The following SPSB1 variants were observed in gnomAD, a reference collection of about 807,000 sequenced individuals.
SPSB1 encodes the protein splA/ryanodine receptor domain and SOCS box containing 1.
A neutral mutation model predicts 21.2 loss-of-function variants in SPSB1; 8 were observed. That is an observed-to-expected ratio of 0.38 (90% CI 0.22 to 0.68). SPSB1 has a LOEUF of 0.68. Ranked by LOEUF, SPSB1 falls within the 30% of genes least tolerant of loss-of-function variation. SPSB1 has a pLI of 0.53. For synonymous variants in SPSB1, 169 were observed against 161.7 expected (o/e 1.05, Z -0.34); for missense variants, 242 against 377.8 (o/e 0.64, Z 2.98).
At chr1:9,329,128 A>G (rs1280087416) in intron 1 of SPSB1, among the ~76,000 whole-genome samples, 1 of 152,150 alleles carries the variant, frequency 6.6e-6, no homozygotes, top group Non-Finnish European at 1.5e-5. Flanking sequence ...CAGCCTCCCA[A>G]GGGGGAGAAT....
Position 9,356,371 on chromosome 1 carries a change from A to G in SPSB1, c.480A>G (p.Thr160=). The change falls in exon 2 of 3, where the codon ACA becomes ACG. Residue 160 remains threonine, a synonymous_variant. Transcript: ENST00000328089. This position sits in a 1 kb window ranked among gnomAD's most constrained non-coding sequence, Gnocchi z 7.4. The part of the protein sequence containing the change: ...YHDGKNQPSK[T]YPAFLEPDET... ...ATGGCAAGAACCAGCCAAGCAAAAC[A>G]TACCCAGCCTTTCTGGAACCAGATG... is the stretch of plus-strand genomic sequence containing the variant. 3 of 1,614,076 alleles carry G rather than the reference A, an allele frequency of 1.9e-6. No individual in the cohort carries two copies. Among genetic ancestry groups the G allele is most frequent in the South Asian group, 1.1e-5 (1 of 91,080 alleles).
chr1:9,335,763 G>T (rs563650328), intron 1 of SPSB1, among the ~76,000 whole-genome samples: 1 of 150,528 alleles, frequency 6.6e-6, no homozygotes, highest in South Asian at 2.1e-4. Flanking sequence ...AGCCATGATC[G>T]TGCCACTGCA....
intron 1 of SPSB1, among the ~76,000 whole-genome samples, chr1:9,327,376 C>T (rs1169016540): frequency 6.6e-6 from 1 of 152,090 alleles, no homozygotes; most frequent in African/African-American, 2.4e-5. Flanking sequence ...AAGTCGATCG[C>T]CAGGCAAGCG....
At chr1:9,302,667 C>T (rs948587076) in intron 1 of SPSB1, among the ~76,000 whole-genome samples, 4 of 152,200 alleles carry the variant, frequency 2.6e-5, no homozygotes, top group Non-Finnish European at 5.9e-5. Flanking sequence ...CCCCACCATC[C>T]TGAAGCAGCT....
At chr1:9,299,464 C>T (rs116605840) in intron 1 of SPSB1, among the ~76,000 whole-genome samples, 5 of 148,240 alleles carry the variant, frequency 3.4e-5, no homozygotes, top group Admixed American at 6.7e-5. Flanking sequence ...CACAGTGAGA[C>T]GTCATCTCTC....
At chr1:9,296,529 A>G (rs766821535) in intron 1 of SPSB1, among the ~76,000 whole-genome samples, 28 of 152,380 alleles carry the variant, frequency 1.8e-4, no homozygotes, top group Non-Finnish European at 3.7e-4. Flanking sequence ...TCGCATGCAC[A>G]CACATACACA....
At chr1:9,299,989 C>T (rs1392064086) in intron 1 of SPSB1, among the ~76,000 whole-genome samples, 1 of 149,028 alleles carries the variant, frequency 6.7e-6, no homozygotes, top group Admixed American at 6.7e-5. Flanking sequence ...AAAAGGGTCT[C>T]ATGCTGGTCC....
At chr1:9,329,726 AAAAG>A (rs1206744922) in intron 1 of SPSB1, among the ~76,000 whole-genome samples, 1 of 150,046 alleles carries the variant, frequency 6.7e-6, no homozygotes, top group Non-Finnish European at 1.5e-5. Flanking sequence ...AAAAAAAGAG[AAAAG>A]AAAGAAAGAA....
Position 9,295,217 on chromosome 1 carries a change from A to AGTGT in SPSB1, c.-150+2168_-150+2171dup, listed in dbSNP as rs5772365. On this transcript the variant is annotated intron_variant, in intron 1 of 2. Transcript: ENST00000328089. The stretch of plus-strand genomic sequence containing the variant: ...GTGTGTGTGTGTGTGTGAGAGTGTG[A>AGTGT]GTGTGTGTGTGTGTGTGTGTGTGTG... 1.4e-3 allele frequency among the ~76,000 whole-genome samples: 213 copies of AGTGT among 148,656 alleles called. 1 individual carries two copies. In the East Asian group the frequency reaches 0.015, roughly 11 times the overall value.
chr1:9,344,845 C>T (rs888876005), intron 1 of SPSB1, among the ~76,000 whole-genome samples: 3 of 151,986 alleles, frequency 2.0e-5, no homozygotes, highest in African/African-American at 7.3e-5. Context: ...CCTGGTCAGC[C>T]TGCTGCTCAT....
chr1:9,357,074 CGGATGGATGGGTGGGTGGATGGATGGAT>C (rs1640376406), intron 2 of SPSB1, among the ~76,000 whole-genome samples: 1 of 143,528 alleles, frequency 7.0e-6, no homozygotes, highest in Middle Eastern at 3.8e-3. Context: ...GATAAATGAA[CGGATGGATGGGTGGGTGGATGGATGGAT>C]GGATGGATGA....
intron 1 of SPSB1, among the ~76,000 whole-genome samples, chr1:9,312,175 T>A (rs1213926538): frequency 6.6e-6 from 1 of 152,132 alleles, no homozygotes; most frequent in Non-Finnish European, 1.5e-5. Context: ...TTTAATTTTT[T>A]AATTTTTTTC....
intron 1 of SPSB1, among the ~76,000 whole-genome samples, chr1:9,298,487 T>A (rs887256166): frequency 2.0e-5 from 3 of 152,202 alleles, no homozygotes; most frequent in Non-Finnish European, 2.9e-5. Context: ...GGAAGCTGGA[T>A]CCCTTTGAAG....
intron 1 of SPSB1, among the ~76,000 whole-genome samples, chr1:9,340,988 G>A (rs1640082555): frequency 6.6e-6 from 1 of 152,202 alleles, no homozygotes; most frequent in East Asian, 1.9e-4. Flanking sequence ...GGCTGACTCT[G>A]CTGGGACAAG....
chr1:9,294,175 TG>T, intron 1 of SPSB1, among the ~76,000 whole-genome samples: 1 of 103,570 alleles, frequency 9.7e-6, no homozygotes, highest in Non-Finnish European at 2.4e-5. Context: ...TCTGAGTGTC[TG>T]TCTCTGCAAA....
At chr1:9,364,830 T>TTG (rs1640540015) in intron 2 of SPSB1, among the ~76,000 whole-genome samples, 1 of 151,492 alleles carries the variant, frequency 6.6e-6, no homozygotes, top group Non-Finnish European at 1.5e-5. Context: ...TTGTTGTTGT[T>TTG]TTGTTGTTGT....
chr1:9,302,240 T>G (rs1639341643), intron 1 of SPSB1, among the ~76,000 whole-genome samples: 1 of 152,184 alleles, frequency 6.6e-6, no homozygotes, highest in Admixed American at 6.6e-5. Context: ...GATGATTGAT[T>G]TTGGATGTCA....
intron 1 of SPSB1, among the ~76,000 whole-genome samples, chr1:9,325,958 G>A (rs529583824): frequency 8.0e-4 from 121 of 152,156 alleles, no homozygotes; most frequent in African/African-American, 2.8e-3. Context: ...AGACCAGTGG[G>A]GCAGGCAGGA....
rs1028414990 is a variant in SPSB1, at chr1:9,324,469, C to T, written c.-149-31274C>T. Among the ~76,000 whole-genome samples the T allele has an allele frequency of 2.0e-5, 3 of 151,212 alleles. No individual in the cohort carries two copies. The highest frequency in any genetic ancestry group is 3.0e-5 in the Non-Finnish European group (2 of 67,756). ...TCCCTGGCTGTCCTCCATGGTGTCT[C>T]TCTGTGCCCAGCCTCTGGAGGGTCG... On this transcript the variant is annotated intron_variant, in intron 1 of 2. Coordinates refer to ENST00000328089, the MANE Select transcript of SPSB1 (RefSeq NM_025106.4). This position sits in a 1 kb window ranked among gnomAD's most constrained non-coding sequence, Gnocchi z 4.3.
Sources: allele counts gnomAD v4.1 joint callset (sites outside exome capture counted in the v4.1 genomes callset), GRCh38; gene constraint gnomAD v4.1.1; non-coding constraint Gnocchi (gnomAD v3.1); transcripts MANE v1.5; gene names NCBI Gene and HGNC (gene_info 2026-07-23, HGNC 2026-07-21).